The following ASH2L variants were observed in gnomAD, a reference collection of about 807,000 sequenced individuals.
ASH2L encodes the protein ASH2 like, histone lysine methyltransferase complex subunit, also known as set1/Ash2 histone methyltransferase complex subunit ASH2.
Under a neutral mutation model 81.1 loss-of-function variants are expected in ASH2L, and 30 were observed. The ratio of observed to expected loss-of-function variants is 0.37; its 90% CI spans 0.28 to 0.50. The LOEUF (loss-of-function observed/expected upper bound fraction) is 0.50. ASH2L is among the 20% of genes least tolerant of loss of function. ASH2L has a pLI of 0.95. For missense variants in ASH2L, 559 were observed against 792.1 expected (o/e 0.71, Z 3.53); for synonymous variants, 273 against 279.9 (o/e 0.98, Z 0.24).
chr8:38,118,086 G>T (rs576937010), intron 8 of ASH2L, among the ~76,000 whole-genome samples: 3 of 152,246 alleles, frequency 2.0e-5, no homozygotes, highest in Admixed American at 1.3e-4. Flanking sequence ...ATTGTTTTTT[G>T]ATTATGGTTA....
At chr8:38,129,931 TG>T (rs1215656231) in intron 12 of ASH2L, among the ~76,000 whole-genome samples, 1 of 152,226 alleles carries the variant, frequency 6.6e-6, no homozygotes, top group African/African-American at 2.4e-5. Flanking sequence ...TGAATATTCT[TG>T]TACAGTCTTT....
intron 10 of ASH2L, chr8:38,124,698 T>A (rs1801764306): frequency 6.6e-6 from 1 of 152,228 alleles, no homozygotes; most frequent in Non-Finnish European, 1.5e-5. Context: ...CTCCCCTGAT[T>A]ATTTAGATTG....
intron 10 of ASH2L, among the ~76,000 whole-genome samples, chr8:38,121,772 A>G (rs1801638661): frequency 6.6e-6 from 1 of 152,212 alleles, no homozygotes. Context: ...TAACACGGAA[A>G]CAATGTCTTA....
intron 10 of ASH2L, chr8:38,123,349 G>C (rs1801710209): frequency 6.6e-6 from 1 of 152,322 alleles, no homozygotes; most frequent in Non-Finnish European, 1.5e-5. Flanking sequence ...CTCCCAAAGT[G>C]CTGGGATTAC....
At chr8:38,124,197 T>G (rs55826701) in intron 10 of ASH2L, 1 of 152,086 alleles carries the variant, frequency 6.6e-6, no homozygotes, top group African/African-American at 2.4e-5. Context: ...CTTTGCTCCA[T>G]GCAATTATTT....
intron 7 of ASH2L, among the ~76,000 whole-genome samples, chr8:38,115,501 C>G (rs976384029): frequency 5.3e-5 from 8 of 152,166 alleles, no homozygotes; most frequent in African/African-American, 1.9e-4. Flanking sequence ...GATTTGCCAG[C>G]TTTGAAAATG....
At chr8:38,133,591 GTTAGGACCCATTCC>G in intron 13 of ASH2L, 45 bp downstream of exon 13, 2 of 1,393,060 alleles carry the variant, frequency 1.4e-6, no homozygotes, top group Non-Finnish European at 2.0e-6. Flanking sequence ...GGCCTTGAGC[GTTAGGACCCATTCC>G]TTCATTATAA....
At chr8:38,107,989 C>T (rs997008813) in intron 3 of ASH2L, among the ~76,000 whole-genome samples, 5 of 151,518 alleles carry the variant, frequency 3.3e-5, no homozygotes, top group Non-Finnish European at 5.9e-5. Context: ...GGCTGGAGTG[C>T]AATGGCAGGA....
intron 10 of ASH2L, among the ~76,000 whole-genome samples, chr8:38,123,901 C>T (rs1484837514): frequency 8.5e-5 from 13 of 152,072 alleles, no homozygotes; most frequent in South Asian, 4.2e-4. Flanking sequence ...AAGGCAGTGG[C>T]GTGATCTCGG....
intron 13 of ASH2L, among the ~76,000 whole-genome samples, chr8:38,134,727 T>G (rs897478954): frequency 1.1e-4 from 16 of 151,950 alleles, no homozygotes. Flanking sequence ...GGAGGTGAAA[T>G]AAAGAAACGA....
Position 38,121,301 on chromosome 8 carries a change from CT to C in ASH2L, c.1165+153del, listed in dbSNP as rs550494137. ...ATTCATCCAGAATGTGCAAGAAATTCTGTTCCTTCCTATAAGCTCCAGCCGT... is the reference window on the plus strand; with the variant it reads ...ATTCATCCAGAATGTGCAAGAAATTCGTTCCTTCCTATAAGCTCCAGCCGT... On this transcript the variant is annotated intron_variant, in intron 10 of 15. Coordinates refer to ENST00000343823, the MANE Select transcript of ASH2L (RefSeq NM_004674.5). The C allele has an allele frequency of 2.5e-3, 1,028 of 417,152 alleles. 6 individuals carry two copies. Among genetic ancestry groups the C allele is most frequent in the Middle Eastern group, 5.9e-3 (8 of 1,366 alleles). 25.8% of individuals were successfully genotyped at this position (417,152 alleles called of 1,614,324 possible). A position where few individuals can be genotyped will look rare whatever the true frequency, so the allele number is the denominator to read the frequency against.
In ASH2L at chr8:38,110,473, A is replaced by T. The variant is rs199636518; in HGVS notation, c.490+6A>T. Reference sequence around the variant, plus strand: ...TTTCCTCCGGAAGCAAGCAAGTAAGAACAAACTCTGGAGTATTTGAAGATG... The same window carrying T: ...TTTCCTCCGGAAGCAAGCAAGTAAGTACAAACTCTGGAGTATTTGAAGATG... On this transcript the variant is annotated splice_donor_region_variant and intron_variant, in intron 4 of 15. Coordinates refer to ENST00000343823, the MANE Select transcript of ASH2L (RefSeq NM_004674.5). 49 of 1,608,550 alleles carry T rather than the reference A, an allele frequency of 3.0e-5. No homozygotes were observed. In the East Asian group the frequency reaches 1.0e-3, roughly 34 times the overall value.
At chr8:38,119,109 AT>A in intron 8 of ASH2L, 160 bp from the exon 9 acceptor site, 1 of 634,002 alleles carries the variant, frequency 1.6e-6, no homozygotes, top group Non-Finnish European at 2.8e-6. Context: ...TGCTCAGTAG[AT>A]TCTTTGAAAA....
chr8:38,105,929 A>G (rs902521674), intron 1 of ASH2L, 191 bp downstream of exon 1: 4 of 1,488,344 alleles, frequency 2.7e-6, no homozygotes, highest in Non-Finnish European at 3.6e-6. Context: ...CGCACCTTTC[A>G]CGGGCGGTGG....
chr8:38,128,962 C>G lies in ASH2L; in HGVS notation c.1527+11C>G. 2 of 1,606,022 alleles carry G rather than the reference C, an allele frequency of 1.2e-6. No homozygotes were observed. Among genetic ancestry groups the G allele is most frequent in the Non-Finnish European group, 1.7e-6 (2 of 1,176,678 alleles). On this transcript the variant is annotated intron_variant, in intron 12 of 15. Transcript: ENST00000343823. ...ACATACAAAGATAAGGTGAGTTTGT[C>G]CTCTCCCGGCAGATTCCTGGCTTTG...
intron 6 of ASH2L, 90 bp downstream of exon 6, chr8:38,114,377 A>G: frequency 1.2e-6 from 1 of 830,828 alleles, no homozygotes; most frequent in Non-Finnish European, 1.9e-6. Flanking sequence ...GTGAAATGAT[A>G]AAATTAGAAC....
chr8:38,121,052 G>A lies in ASH2L; in HGVS notation c.1068G>A (p.Glu356=), dbSNP rs539707345. The A allele has an allele frequency of 2.7e-5, 44 of 1,613,790 alleles. No homozygotes were observed. In the South Asian group the frequency reaches 4.6e-4, roughly 17 times the overall value. ...CTGATCCGCACGCCCCTGACCCCGA[G>A]AAGCTGGAACTTGACTGCTGGGCAG... ...AEPDPHAPDP[E]KLELDCWAGK... is the part of the protein sequence containing the mutation. The change falls in exon 10 of 16, where the codon GAG becomes GAA. Residue 356 remains glutamate (E), a synonymous_variant. Transcript: ENST00000343823.
intron 8 of ASH2L, among the ~76,000 whole-genome samples, chr8:38,117,138 A>T (rs1384137424): frequency 4.6e-5 from 7 of 152,182 alleles, no homozygotes; most frequent in African/African-American, 1.7e-4. Flanking sequence ...CATTCACATG[A>T]TAGCATTTCT....
rs1448594350 is a variant in ASH2L at position 38,121,162 on chromosome 8, T to C, written c.1165+13T>C. 2 of 1,608,464 alleles carry C rather than the reference T, an allele frequency of 1.2e-6. No individual in the cohort carries two copies. Among genetic ancestry groups the C allele is most frequent in the Non-Finnish European group, 8.5e-7 (1 of 1,176,008 alleles). On this transcript the variant is annotated intron_variant, in intron 10 of 15. Transcript: ENST00000343823. ...CTACATGATCGAGGTATGTAAAGTA[T>C]TGGAGATCATATGGATGCAGGGTTA...
Sources: gnomAD v4.1 joint callset for allele counts (sites outside exome capture counted in the v4.1 genomes callset) on GRCh38, gnomAD v4.1.1 for gene constraint, MANE v1.5 for transcripts, NCBI Gene and HGNC (gene_info 2026-07-23, HGNC 2026-07-21) for gene names.